The following PTPN14 variants were observed in gnomAD, a reference collection of about 807,000 sequenced individuals.
The protein encoded by PTPN14 is protein tyrosine phosphatase non-receptor type 14, also known as tyrosine-protein phosphatase non-receptor type 14.
In PTPN14, 53 loss-of-function variants were observed where a neutral mutation model predicts 126.8. The observed-to-expected ratio is 0.42, with a 90% confidence interval of 0.34 to 0.53. The LOEUF (loss-of-function observed/expected upper bound fraction) is 0.53. PTPN14 is among the 20% of genes least tolerant of loss of function. The pLI is 0.08. For synonymous variants in PTPN14, 630 were observed against 599.3 expected, an observed-to-expected ratio of 1.05 and a Z score of -0.75; for missense variants, 1,257 against 1,552.9, an observed-to-expected ratio of 0.81 and a Z score of 3.20.
intron 3 of PTPN14, among the ~76,000 whole-genome samples, chr1:214,436,643 T>C (rs143631594): frequency 0.04 from 6,064 of 151,842 alleles, 391 homozygotes; most frequent in African/African-American, 0.14. Flanking sequence ...AAAAATTAGC[T>C]GGGCATGGTG....
At chr1:214,490,682 CAA>C (rs2102416647) in intron 1 of PTPN14, among the ~76,000 whole-genome samples, 1 of 151,376 alleles carries the variant, frequency 6.6e-6, no homozygotes, top group Admixed American at 6.6e-5. Context: ...ACTAAAAATA[CAA>C]AAGTTAGCCA....
intron 1 of PTPN14, among the ~76,000 whole-genome samples, chr1:214,495,953 C>T (rs897569833): frequency 1.3e-5 from 2 of 152,128 alleles, no homozygotes; most frequent in South Asian, 4.1e-4. Context: ...CCTCGGCCTC[C>T]CAAAGTGCTG....
At position 214,372,536 on chromosome 1, in the gene PTPN14, G is replaced by GA. The variant is rs559451172; in HGVS notation, c.3036+174dup. 6.8e-4 allele frequency among the ~76,000 whole-genome samples: 104 copies of GA among 152,256 alleles called. 1 individual carries two copies. The highest frequency in any genetic ancestry group is 2.4e-3 in the African/African-American group (101 of 41,556). Reference sequence around the variant, plus strand: ...CTACAACAATCAATTATCTCCAGGGGAAAAAATATCTATCTGGAAGTAAGA... The same window carrying GA: ...CTACAACAATCAATTATCTCCAGGGGAAAAAAATATCTATCTGGAAGTAAGA... On this transcript the variant is annotated intron_variant, in intron 16 of 18. Coordinates refer to ENST00000366956, the MANE Select transcript of PTPN14 (RefSeq NM_005401.5).
intron 3 of PTPN14, among the ~76,000 whole-genome samples, chr1:214,435,362 TG>T (rs1250488572): frequency 6.6e-6 from 1 of 152,082 alleles, no homozygotes; most frequent in Admixed American, 6.6e-5. Context: ...AAGCTTTAAA[TG>T]AAGTTCTAAT....
intron 5 of PTPN14, among the ~76,000 whole-genome samples, chr1:214,411,268 G>A (rs1659303427): frequency 6.6e-6 from 1 of 151,938 alleles, no homozygotes; most frequent in Admixed American, 6.6e-5. Flanking sequence ...GTCCTAGCCA[G>A]AGCAATTAGG....
chr1:214,401,832 C>G, intron 6 of PTPN14, 60 bp from the exon 7 acceptor site: 1 of 1,360,896 alleles, frequency 7.3e-7, no homozygotes, highest in Non-Finnish European at 1.0e-6. Flanking sequence ...GAAGATCCCA[C>G]TCTCCTGATG....
chr1:214,431,231 CATT>C (rs1209241489), intron 3 of PTPN14, among the ~76,000 whole-genome samples: 2 of 152,252 alleles, frequency 1.3e-5, no homozygotes, highest in South Asian at 2.1e-4. Context: ...AATGGTAAGA[CATT>C]ATGTATTTTT....
At chr1:214,548,724 A>C (rs1464033909) in intron 1 of PTPN14, among the ~76,000 whole-genome samples, 1 of 152,152 alleles carries the variant, frequency 6.6e-6, no homozygotes, top group African/African-American at 2.4e-5. Context: ...TAAGGAAGGA[A>C]GGCACTGGAA....
intron 10 of PTPN14, 131 bp downstream of exon 10, chr1:214,393,564 G>T: frequency 2.7e-6 from 2 of 742,020 alleles, no homozygotes; most frequent in Non-Finnish European, 4.5e-6. Context: ...CCTGGCTTTA[G>T]CTTACTTCAT....
intron 1 of PTPN14, chr1:214,532,684 T>TA: frequency 1.2e-6 from 1 of 813,130 alleles, no homozygotes; most frequent in Non-Finnish European, 2.2e-6. Context: ...TAGAGTCAAG[T>TA]ATGAGACAGA....
At chr1:214,392,604 T>G (rs534810488) in intron 10 of PTPN14, among the ~76,000 whole-genome samples, 1 of 152,214 alleles carries the variant, frequency 6.6e-6, no homozygotes, top group African/African-American at 2.4e-5. Context: ...AGGAACCTGC[T>G]CAAGAGAATG....
chr1:214,374,292 G>C (rs964782233), intron 15 of PTPN14, among the ~76,000 whole-genome samples: 2 of 152,190 alleles, frequency 1.3e-5, no homozygotes, highest in African/African-American at 2.4e-5. Context: ...GGCATGTTTA[G>C]GTCAAAGCTG....
intron 3 of PTPN14, among the ~76,000 whole-genome samples, chr1:214,440,909 G>A (rs911315683): frequency 3.9e-5 from 6 of 152,160 alleles, no homozygotes; most frequent in African/African-American, 1.4e-4. Flanking sequence ...TGATCCTGGT[G>A]AAACAAAACC....
chr1:214,398,771 T>A (rs1282721024), intron 7 of PTPN14, among the ~76,000 whole-genome samples: 2 of 133,360 alleles, frequency 1.5e-5, no homozygotes, highest in East Asian at 2.1e-4. Context: ...AAAGAGTAAA[T>A]TTTTTTTTTT....
intron 1 of PTPN14, among the ~76,000 whole-genome samples, chr1:214,541,999 T>C (rs912533092): frequency 1.3e-5 from 2 of 152,168 alleles, no homozygotes; most frequent in Non-Finnish European, 2.9e-5. Context: ...TCACTCAGCT[T>C]AGGAAACAAA....
chr1:214,532,940 A>G (rs1655591698), intron 1 of PTPN14: 1 of 804,150 alleles, frequency 1.2e-6, no homozygotes, highest in Admixed American at 1.7e-5. Flanking sequence ...ATCTGGGCCC[A>G]ATATGACAAG....
At chr1:214,499,116 T>C (rs1261753558) in intron 1 of PTPN14, among the ~76,000 whole-genome samples, 1 of 152,128 alleles carries the variant, frequency 6.6e-6, no homozygotes, top group East Asian at 1.9e-4. Context: ...CCCACACCCT[T>C]TGACCTAGCA....
At chr1:214,540,064 A>G (rs1487592971) in intron 1 of PTPN14, among the ~76,000 whole-genome samples, 1 of 152,218 alleles carries the variant, frequency 6.6e-6, no homozygotes, top group African/African-American at 2.4e-5. Flanking sequence ...TCACATAATT[A>G]TATAATATTC....
chr1:214,432,008 T>C (rs1316827059), intron 3 of PTPN14, among the ~76,000 whole-genome samples: 1 of 152,122 alleles, frequency 6.6e-6, no homozygotes, highest in Non-Finnish European at 1.5e-5. Context: ...CAGTGAGATC[T>C]TGTATCTACA....
Sources: allele counts gnomAD v4.1 joint callset (sites outside exome capture counted in the v4.1 genomes callset), GRCh38; gene constraint gnomAD v4.1.1; transcripts MANE v1.5; gene names NCBI Gene and HGNC (gene_info 2026-07-23, HGNC 2026-07-21).